Variants in DIDO1 observed in about 807,000 individuals in gnomAD.
DIDO1 encodes death inducer-obliterator 1, also known as death-inducer obliterator 1.
In DIDO1, 16 loss-of-function variants were observed where a neutral mutation model predicts 99.4. The observed-to-expected ratio is 0.16, with a 90% CI of 0.11 to 0.24. The LOEUF is 0.24. Among genes scored for constraint, DIDO1 ranks in the 10% least tolerant of loss-of-function variants. DIDO1 has a pLI of 1.00. For missense variants in DIDO1, 2,996 were observed against 3,014.0 expected, an observed-to-expected ratio of 0.99 and a Z score of 0.14; for synonymous variants, 1,366 against 1,239.1, an observed-to-expected ratio of 1.10 and a Z score of -2.15.
At chr20:62,893,201 T>G (rs941311589) in intron 12 of DIDO1, among the ~76,000 whole-genome samples, 14 of 152,166 alleles carry the variant, frequency 9.2e-5, no homozygotes, top group Admixed American at 7.9e-4. Context: ...AATTTTTGTC[T>G]TTTTTGTAGA....
rs2064139997 is a variant in DIDO1, at chr20:62,878,267, C to CT, written c.*965dup. On this transcript the variant is annotated 3_prime_UTR_variant, in exon 16 of 16. Transcript: ENST00000395343. Reference sequence around the variant, plus strand: ...CGAAAAATACACGACAAGCAAGAGACTGTTTCACAGTGAACAGCTTCCTGT... The same window carrying CT: ...CGAAAAATACACGACAAGCAAGAGACTTGTTTCACAGTGAACAGCTTCCTGT... The CT allele has an allele frequency of 2.0e-5, 3 of 152,268 alleles. No homozygotes were observed. 9.4% of individuals were successfully genotyped at this position (152,268 alleles called of 1,614,324 possible). A position where few individuals can be genotyped will look rare whatever the true frequency, so the allele number is the denominator to read the frequency against.
chr20:62,894,807 T>C lies in DIDO1; in HGVS notation c.2436+3A>G. 6.2e-7 allele frequency: 1 copy of C among 1,608,916 alleles called. No homozygotes were observed. The highest frequency in any genetic ancestry group is 8.5e-7 in the Non-Finnish European group (1 of 1,178,622). On this transcript the variant is annotated splice_donor_region_variant and intron_variant, in intron 10 of 15. Coordinates refer to ENST00000395343, the MANE Select transcript of DIDO1 (RefSeq NM_001193369.2). This position sits in a 1 kb window ranked among gnomAD's most constrained non-coding sequence, Gnocchi z 4.4. ...GTGAACACAAAATCTCCCAAATGCT[T>C]ACCTCTGAATCCGACACTGGCGGAG...
chr20:62,881,090 G>A lies in DIDO1; in HGVS notation c.4866C>T (p.Gly1622=), dbSNP rs1008689450. 3 of 1,608,340 alleles carry A rather than the reference G, an allele frequency of 1.9e-6. No individual in the cohort carries two copies. The highest frequency in any genetic ancestry group is 1.7e-4 in the Middle Eastern group (1 of 6,010). ...GCTCGGACCCCGCTGGGGGCTTTTC[G>A]CCCGAAGCCCAGGGGGAAGAGGCTG... ...KEPASSPWAS[G]EKPPAGSEQD... The change falls in exon 16 of 16, where the codon GGC becomes GGT. Residue 1622 remains glycine, a synonymous_variant. Transcript: ENST00000395343. The surrounding 1 kb of genome is among the most constrained non-coding windows in gnomAD (Gnocchi z 8.3).
intron 1 of DIDO1, among the ~76,000 whole-genome samples, chr20:62,921,876 C>G (rs1021114691): frequency 6.7e-6 from 1 of 150,224 alleles, no homozygotes; most frequent in African/African-American, 2.5e-5. Flanking sequence ...TATATATCCA[C>G]AATATATATA....
intron 6 of DIDO1, among the ~76,000 whole-genome samples, chr20:62,901,313 TAATG>T (rs1159131727): frequency 6.6e-6 from 1 of 152,152 alleles, no homozygotes; most frequent in African/African-American, 2.4e-5. Flanking sequence ...CCTTCCAACT[TAATG>T]GAGAGGTGTG....
In DIDO1 at chr20:62,910,836, A is replaced by G; in HGVS notation, c.777T>C (p.Pro259=). The G allele has an allele frequency of 6.2e-7, 1 of 1,614,190 alleles. No homozygotes were observed. The highest frequency in any genetic ancestry group is 8.5e-7 in the Non-Finnish European group (1 of 1,180,050). ...EEPGDLGRPK[P]ECEGYDPNAL... Reference sequence around the variant, plus strand: ...CGTTGGGGTCGTAACCCTCACATTCAGGCTTCGGTCGGCCCAAGTCTCCAG... The same window carrying G: ...CGTTGGGGTCGTAACCCTCACATTCGGGCTTCGGTCGGCCCAAGTCTCCAG... The change falls in exon 3 of 16, where the codon CCT becomes CCC. Residue 259 remains proline, a synonymous_variant. Coordinates refer to ENST00000395343, the MANE Select transcript of DIDO1 (RefSeq NM_001193369.2).
intron 6 of DIDO1, among the ~76,000 whole-genome samples, chr20:62,899,954 T>C (rs1409480959): frequency 6.6e-6 from 1 of 152,238 alleles, no homozygotes; most frequent in African/African-American, 2.4e-5. Flanking sequence ...TTAGTGGAGC[T>C]AAAATTCAAT....
chr20:62,880,711 G>A lies in DIDO1; in HGVS notation c.5245C>T (p.Pro1749Ser). The A allele has an allele frequency of 1.2e-6, 2 of 1,612,718 alleles. No individual in the cohort carries two copies. The highest frequency in any genetic ancestry group is 1.7e-6 in the Non-Finnish European group (2 of 1,179,886). ...PGQKVGGSQPPFQGQREPGPH... is the reference protein window; with the variant it reads ...PGQKVGGSQPSFQGQREPGPH... ...CCAGGTTCCCGCTGACCCTGAAACG[G>A]GGGCTGAGAGCCCCCCACTTTCTGT... The change falls in exon 16 of 16, where the codon CCG becomes TCG. Residue 1749 changes from proline to serine, a missense_variant. Pro to Ser is a moderately conservative substitution (Grantham distance 74). Around this residue, in one of 5 missense-constraint regions of DIDO1, gnomAD observed 1,562 missense variants for 1,412.6 expected, o/e 1.11. Coordinates refer to ENST00000395343, the MANE Select transcript of DIDO1 (RefSeq NM_001193369.2).
At chr20:62,929,269 G>A (rs941496756), upstream of DIDO1, 1 of 152,202 alleles carries the variant, frequency 6.6e-6, no homozygotes. Context: ...CCAAGGACAG[G>A]GCCCCCGCCG....
chr20:62,879,837 C>T lies in DIDO1; in HGVS notation c.6119G>A (p.Arg2040His), dbSNP rs143474883. 53 of 1,605,328 alleles carry T rather than the reference C, an allele frequency of 3.3e-5. No individual in the cohort carries two copies. The highest frequency in any genetic ancestry group is 1.4e-4 in the Admixed American group (8 of 59,008). The change falls in exon 16 of 16, where the codon CGC becomes CAC. Residue 2040 changes from arginine to histidine, a missense_variant. Physicochemically the swap from Arg to His is conservative, Grantham distance 29. Transcript: ENST00000395343. This position sits in a 1 kb window ranked among gnomAD's most constrained non-coding sequence, Gnocchi z 6.3. ...PSHPPQHRKDRWEEAGPPSAL... is the reference protein window; with the variant it reads ...PSHPPQHRKDHWEEAGPPSAL... ...GGAGGGCGGCCCGGCCTCCTCCCAG[C>T]GGTCCTTCCGGTGCTGCGGGGGGTG...
intron 6 of DIDO1, among the ~76,000 whole-genome samples, chr20:62,899,079 G>A (rs1054940997): frequency 2.0e-5 from 3 of 152,138 alleles, no homozygotes; most frequent in African/African-American, 7.2e-5. Flanking sequence ...GGCCTAGGGC[G>A]CTGGAGGCAC....
In DIDO1 at chr20:62,880,444, C is replaced by G. The variant is rs1210888757; in HGVS notation, c.5512G>C (p.Ala1838Pro). 3 of 1,612,792 alleles carry G rather than the reference C, an allele frequency of 1.9e-6. No homozygotes were observed. The highest frequency in any genetic ancestry group is 1.7e-6 in the Non-Finnish European group (2 of 1,180,036). ...TTGCGTTCTTCAAATTGGGATGGTG[C>G]CACTCCTCGTGGTCCACCAAGGTAA... ...PSYLGGPRGVAPSQFEERKDP... is the reference protein window; with the variant it reads ...PSYLGGPRGVPPSQFEERKDP... The change falls in exon 16 of 16, where the codon GCA becomes CCA. Residue 1838 changes from alanine (A) to proline (P), a missense_variant. Transcript: ENST00000395343.
intron 15 of DIDO1, chr20:62,889,552 C>A: frequency 1.0e-6 from 1 of 985,472 alleles, no homozygotes; most frequent in Non-Finnish European, 1.2e-6. Context: ...AGTGTCTGCA[C>A]TGAGTGCACA....
At chr20:62,937,720 G>T (rs1313557829) in intron 1 of DIDO1, 5 of 397,462 alleles carry the variant, frequency 1.3e-5, no homozygotes, top group Non-Finnish European at 2.2e-5. Flanking sequence ...TCTGAGGGGC[G>T]GCCGCGGACA....
chr20:62,894,258 A>G lies in DIDO1; in HGVS notation c.2573-64T>C, dbSNP rs1177813613. 1.3e-6 allele frequency: 2 copies of G among 1,583,374 alleles called. No individual in the cohort carries two copies. The highest frequency in any genetic ancestry group is 1.7e-6 in the Non-Finnish European group (2 of 1,163,052). ...CGGCACACTGGTGTTTCTCACACAA[A>G]GCCGAAAGCAATACTCTAAAGGCAG... is the stretch of plus-strand genomic sequence containing the variant. On this transcript the variant is annotated intron_variant, in intron 11 of 15. Coordinates refer to ENST00000395343, the MANE Select transcript of DIDO1 (RefSeq NM_001193369.2). This position sits in a 1 kb window ranked among gnomAD's most constrained non-coding sequence, Gnocchi z 4.4.
chr20:62,887,945 G>A (rs2064323547), intron 15 of DIDO1: 1 of 985,504 alleles, frequency 1.0e-6, no homozygotes, highest in Non-Finnish European at 1.2e-6. Context: ...ACAACCCGGT[G>A]TTTCTGTGGA....
chr20:62,909,420 A>G (rs1568867072), intron 4 of DIDO1, among the ~76,000 whole-genome samples: 1 of 152,286 alleles, frequency 6.6e-6, no homozygotes, highest in Admixed American at 6.5e-5. Context: ...CATCGTTCAG[A>G]AACAATTCCT....
chr20:62,928,981 CT>C (rs1197057892), upstream of DIDO1: 1 of 152,124 alleles, frequency 6.6e-6, no homozygotes, highest in African/African-American at 2.4e-5. Flanking sequence ...AAAAAAATGG[CT>C]TTCCGCTGTT....
chr20:62,879,522 C>G lies in DIDO1; in HGVS notation c.6434G>C (p.Arg2145Pro). The G allele has an allele frequency of 6.3e-7, 1 of 1,599,466 alleles. No homozygotes were observed. The highest frequency in any genetic ancestry group is 8.5e-7 in the Non-Finnish European group (1 of 1,179,124). The change falls in exon 16 of 16, where the codon CGG becomes CCG. Residue 2145 changes from arginine to proline, a missense_variant. Arg to Pro is a moderately radical substitution (Grantham distance 103). Transcript: ENST00000395343. This position sits in a 1 kb window ranked among gnomAD's most constrained non-coding sequence, Gnocchi z 6.3. ...WDRHRDKDSS[R>P]DWDRNRERSA... ...CCTCTCCCGGTTTCTGTCCCAGTCC[C>G]GGCTGGAGTCCTTGTCCCGGTGTCG...
Sources: gnomAD v4.1 joint callset for allele counts (sites outside exome capture counted in the v4.1 genomes callset) on GRCh38, gnomAD v4.1.1 for gene constraint, gnomAD v4.1.1 regional missense constraint, Gnocchi (gnomAD v3.1) non-coding constraint, MANE v1.5 for transcripts, NCBI Gene and HGNC (gene_info 2026-07-23, HGNC 2026-07-21) for gene names.